Variants in VPS37B observed in about 807,000 individuals in gnomAD.
The protein encoded by VPS37B is vacuolar protein sorting-associated protein 37B.
VPS37B carries 11 observed loss-of-function variants against 21.2 expected under a neutral mutation model. That is an observed-to-expected ratio of 0.52 (90% CI 0.33 to 0.86). VPS37B has a LOEUF of 0.86. VPS37B is among the 40% of genes least tolerant of loss of function. The probability of loss-of-function intolerance (pLI) is 0.03; values close to 1 mark genes in which losing one functional copy is unlikely to be tolerated. For missense variants in VPS37B, 389 were observed against 374.8 expected, an observed-to-expected ratio of 1.04 and a Z score of -0.31; for synonymous variants, 175 against 159.6, an observed-to-expected ratio of 1.10 and a Z score of -0.73.
intron 1 of VPS37B, chr12:122,874,694 A>C (rs545587489): frequency 1.3e-5 from 2 of 152,456 alleles, no homozygotes; most frequent in African/African-American, 4.8e-5. Flanking sequence ...CACACCTGTA[A>C]TCCCAGCACT....
At chr12:122,889,763 C>A (rs569967101) in intron 1 of VPS37B, 1 of 152,018 alleles carries the variant, frequency 6.6e-6, no homozygotes, top group East Asian at 1.9e-4. Flanking sequence ...CCGACTGCTT[C>A]TCTGCTCCAA....
chr12:122,869,136 A>G (rs781627985), intron 2 of VPS37B, among the ~76,000 whole-genome samples: 48 of 152,150 alleles, frequency 3.2e-4, no homozygotes, highest in Non-Finnish European at 5.9e-4. Flanking sequence ...TTTCTTTCCA[A>G]TGCTGTGTAG....
chr12:122,867,509 T>A lies in VPS37B; in HGVS notation c.465A>T (p.Lys155Asn). ...KRKLAHMRRVKIEKLQEMVLK... is the reference protein window; with the variant it reads ...KRKLAHMRRVNIEKLQEMVLK... The stretch of plus-strand genomic sequence containing the variant: ...GGACCATCTCCTGGAGCTTCTCGAT[T>A]TTCACCCGTCGCATGTGGGCCAGTT... The change falls in exon 4 of 4, where the codon AAA becomes AAT. Residue 155 changes from lysine (K) to asparagine (N), a missense_variant. Physicochemically the swap from Lys to Asn is moderately conservative, Grantham distance 94. Transcript: ENST00000267202. The surrounding 1 kb of genome is among the most constrained non-coding windows in gnomAD (Gnocchi z 5.5). 3 of 1,614,054 alleles carry A rather than the reference T, an allele frequency of 1.9e-6. No individual in the cohort carries two copies. Among genetic ancestry groups the A allele is most frequent in the Non-Finnish European group, 2.5e-6 (3 of 1,179,998 alleles).
At chr12:122,890,877 A>G (rs2034402022) in intron 1 of VPS37B, among the ~76,000 whole-genome samples, 1 of 152,162 alleles carries the variant, frequency 6.6e-6, no homozygotes, top group Non-Finnish European at 1.5e-5. Context: ...ATTATGTCCT[A>G]CTTGTGTATC....
chr12:122,886,378 G>A (rs1018373522), intron 1 of VPS37B: 4 of 152,152 alleles, frequency 2.6e-5, no homozygotes, highest in Admixed American at 1.3e-4. Flanking sequence ...CCCAACACTC[G>A]AGAGGCCAAG....
At chr12:122,890,228 G>GT (rs1566132943) in intron 1 of VPS37B, 1 of 151,952 alleles carries the variant, frequency 6.6e-6, no homozygotes, top group East Asian at 1.9e-4. Flanking sequence ...TTGTGGGAAC[G>GT]TAAGTTAAAA....
chr12:122,869,155 T>C (rs912290896), intron 2 of VPS37B, among the ~76,000 whole-genome samples: 1 of 152,254 alleles, frequency 6.6e-6, no homozygotes, highest in African/African-American at 2.4e-5. Flanking sequence ...AGTGTTCCAT[T>C]GTGTAAACAG....
chr12:122,869,325 TAC>T (rs2033975505), intron 2 of VPS37B, among the ~76,000 whole-genome samples: 2 of 152,222 alleles, frequency 1.3e-5, no homozygotes, highest in Admixed American at 1.3e-4. Context: ...GTGCAGCGCA[TAC>T]ACACTCTTCA....
intron 1 of VPS37B, chr12:122,879,811 T>G (rs1446938340): frequency 6.6e-6 from 1 of 152,142 alleles, no homozygotes; most frequent in Non-Finnish European, 1.5e-5. Flanking sequence ...CACAGGCACA[T>G]AGCTAAATAC....
intron 1 of VPS37B, among the ~76,000 whole-genome samples, chr12:122,894,142 G>A (rs2034455059): frequency 6.6e-6 from 1 of 152,116 alleles, no homozygotes; most frequent in South Asian, 2.1e-4. Flanking sequence ...AAACCCTGCT[G>A]ACAATCAACA....
At chr12:122,880,907 C>T (rs145226114) in intron 1 of VPS37B, 2,071 of 152,326 alleles carry the variant, frequency 0.014, 18 homozygotes, top group Admixed American at 0.02. Flanking sequence ...CATCCTCCTA[C>T]GTAAGGCACT....
At chr12:122,870,629 A>G (rs749015577) in intron 2 of VPS37B, 1 of 336,736 alleles carries the variant, frequency 3.0e-6, no homozygotes, top group East Asian at 6.1e-5. Flanking sequence ...CCAGCTACTC[A>G]GGAGGCTGAG....
chr12:122,872,517 A>G, intron 1 of VPS37B: 1 of 985,432 alleles, frequency 1.0e-6, no homozygotes, highest in Non-Finnish European at 1.2e-6. Flanking sequence ...TTTAGCAAAA[A>G]AGGAGAATCT....
rs2034485988 is a variant in VPS37B at position 122,895,938 on chromosome 12, C to T, written c.111+14G>A. On this transcript the variant is annotated intron_variant, in intron 1 of 3. Transcript: ENST00000267202. ...AGGCCTCACAGCCGCCGCCTTAAGCCCAGCTCGGCTCACCTCCTCCATCTT... is the reference window on the plus strand; with the variant it reads ...AGGCCTCACAGCCGCCGCCTTAAGCTCAGCTCGGCTCACCTCCTCCATCTT... The T allele has an allele frequency of 1.9e-6, 3 of 1,610,490 alleles. No homozygotes were observed. The highest frequency in any genetic ancestry group is 3.3e-5 in the Admixed American group (2 of 59,944).
intron 1 of VPS37B, chr12:122,875,188 T>C (rs949484708): frequency 1.3e-5 from 2 of 150,094 alleles, no homozygotes; most frequent in African/African-American, 4.9e-5. Flanking sequence ...GCCTCTCAAG[T>C]AGCTGGGATT....
Position 122,870,920 on chromosome 12 carries a change from CAA to C in VPS37B, c.251_252del (p.Phe84Ter), listed in dbSNP as rs1290101741. On this transcript the variant is annotated frameshift_variant, in exon 2 of 4. Coordinates refer to ENST00000267202, the MANE Select transcript of VPS37B (RefSeq NM_024667.3). LOFTEE classifies it high-confidence loss of function. ...TTGGTCTTCTTTATCTGATAGGCTTCAAAGAGAACCTGGAGTTCCTGGTATTT... is the reference window on the plus strand; with the variant it reads ...TTGGTCTTCTTTATCTGATAGGCTTCAGAGAACCTGGAGTTCCTGGTATTT... ...TQKYQELQVL[F>X]EAYQIKKTKL... The C allele has an allele frequency of 3.1e-6, 5 of 1,614,092 alleles. No individual in the cohort carries two copies. Among genetic ancestry groups the C allele is most frequent in the Non-Finnish European group, 4.2e-6 (5 of 1,180,012 alleles).
At chr12:122,892,213 ATAC>A (rs1266226139) in intron 1 of VPS37B, among the ~76,000 whole-genome samples, 6 of 152,236 alleles carry the variant, frequency 3.9e-5, no homozygotes, top group Non-Finnish European at 7.3e-5. Context: ...CATGAAGGAT[ATAC>A]TACATTTAGG....
rs1189848011 is a variant in VPS37B at position 122,867,430 on chromosome 12, C to T, written c.544G>A (p.Glu182Lys). 1.9e-6 allele frequency: 3 copies of T among 1,573,048 alleles called. No homozygotes were observed. Among genetic ancestry groups the T allele is most frequent in the African/African-American group, 1.6e-5 (1 of 61,990 alleles). The change falls in exon 4 of 4, where the codon GAA becomes AAA. Residue 182 changes from glutamate to lysine, a missense_variant. Transcript: ENST00000267202. This position sits in a 1 kb window ranked among gnomAD's most constrained non-coding sequence, Gnocchi z 5.5. ...ALAPLPPRLPELAPTAPLPYP... is the reference protein window; with the variant it reads ...ALAPLPPRLPKLAPTAPLPYP... ...GGAAGGGGGGCGGTAGGTGCCAGTT[C>T]GGGCAGCCTGGGGGGCAGCGGGGCC...
intron 1 of VPS37B, chr12:122,874,185 A>G (rs955585230): frequency 5.3e-5 from 8 of 152,272 alleles, no homozygotes; most frequent in African/African-American, 1.9e-4. Context: ...CTTGAAAGAC[A>G]GCGCTCAATG....
Sources: gnomAD v4.1 joint callset for allele counts (sites outside exome capture counted in the v4.1 genomes callset) on GRCh38, gnomAD v4.1.1 for gene constraint, Gnocchi (gnomAD v3.1) non-coding constraint, MANE v1.5 for transcripts, NCBI Gene and HGNC (gene_info 2026-07-23, HGNC 2026-07-21) for gene names.